The following PHACTR2 variants were observed in gnomAD, a reference collection of about 807,000 sequenced individuals.
PHACTR2 encodes phosphatase and actin regulator 2.
PHACTR2 carries 30 observed loss-of-function variants against 76.0 expected under a neutral mutation model. The observed-to-expected ratio is 0.39, with a 90% CI of 0.30 to 0.54. The LOEUF is 0.54. Ranked by LOEUF, PHACTR2 falls within the 20% of genes least tolerant of loss-of-function variation. The pLI is 0.61. For missense variants in PHACTR2, 696 were observed against 781.1 expected (o/e 0.89, Z 1.30); for synonymous variants, 292 against 292.5 (o/e 1.00, Z 0.02).
At position 143,783,671 on chromosome 6, in the gene PHACTR2, G is replaced by C. The variant is rs1441436367; in HGVS notation, c.1707+391G>C. Among the ~76,000 whole-genome samples the C allele has an allele frequency of 6.6e-6, 1 of 152,156 alleles. No individual in the cohort carries two copies. Among genetic ancestry groups the C allele is most frequent in the Non-Finnish European group, 1.5e-5 (1 of 68,030 alleles). The stretch of plus-strand genomic sequence containing the variant: ...CAAATCAATATAATGCACATGCTAT[G>C]AGTGATGTTTCTGATTGTGTGTTGT... On this transcript the variant is annotated intron_variant, in intron 10 of 12. Coordinates refer to ENST00000440869, the MANE Select transcript of PHACTR2 (RefSeq NM_001100164.2). The surrounding 1 kb of genome is among the most constrained non-coding windows in gnomAD (Gnocchi z 5.2).
chr6:143,765,440 T>G lies in PHACTR2; in HGVS notation c.874T>G (p.Ser292Ala). ...GCAGCCAATAACTTCTCACCTGTCCTCAGACACAACAACTTCTGGCACATC... is the reference window on the plus strand; with the variant it reads ...GCAGCCAATAACTTCTCACCTGTCCGCAGACACAACAACTTCTGGCACATC... ...DKQPITSHLSSDTTTSGTSDL... is the reference protein window; with the variant it reads ...DKQPITSHLSADTTTSGTSDL... Residue 292 changes from serine to alanine, a missense_variant, in exon 6 of 13, where the codon TCA (serine) becomes GCA (alanine). Ser to Ala is a moderately conservative substitution (Grantham distance 99). Coordinates refer to ENST00000440869, the MANE Select transcript of PHACTR2 (RefSeq NM_001100164.2). The surrounding 1 kb of genome is among the most constrained non-coding windows in gnomAD (Gnocchi z 4.1). The G allele has an allele frequency of 6.2e-7, 1 of 1,614,222 alleles. No individual in the cohort carries two copies. The highest frequency in any genetic ancestry group is 8.5e-7 in the Non-Finnish European group (1 of 1,180,044).
rs558207889 is a variant in PHACTR2 at position 143,659,590 on chromosome 6, G to A, written c.13+51268G>A. 2.3e-3 allele frequency among the ~76,000 whole-genome samples: 351 copies of A among 152,304 alleles called. 6 individuals are homozygous for A. The highest frequency in any genetic ancestry group is 2.5e-3 in the Non-Finnish European group (168 of 68,022). ...TTTCCATGTGGCAGCTCACAACATG[G>A]CAGCTTGCTTCTTTAAAGCCAGGTG... On this transcript the variant is annotated intron_variant, in intron 1 of 11. Coordinates refer to the PHACTR2 transcript ENST00000305766. This position sits in a 1 kb window ranked among gnomAD's most constrained non-coding sequence, Gnocchi z 5.0.
chr6:143,642,386 G>A (rs147636275), intron 1 of PHACTR2, among the ~76,000 whole-genome samples: 91 of 152,320 alleles, frequency 6.0e-4, no homozygotes, highest in African/African-American at 1.8e-3. Flanking sequence ...ATATAAGTAA[G>A]CAAAATTCAC....
chr6:143,725,734 G>C (rs1313779125), intron 2 of PHACTR2, among the ~76,000 whole-genome samples: 1 of 151,284 alleles, frequency 6.6e-6, no homozygotes, highest in Non-Finnish European at 1.5e-5. Context: ...GCTGAGGCAG[G>C]ACAATCACTT....
intron 1 of PHACTR2, among the ~76,000 whole-genome samples, chr6:143,614,361 A>C (rs1237398968): frequency 4.6e-5 from 7 of 152,192 alleles, no homozygotes. Flanking sequence ...ACCAAGTTAC[A>C]AGGTAGATAA....
Position 143,824,478 on chromosome 6 carries a change from C to T in PHACTR2, c.*789C>T, listed in dbSNP as rs1348161821. ...AATATCCCTTTCCTAGTGTACCAGC[C>T]TTCACAGGATAAGAGGACTGGGAAT... On this transcript the variant is annotated 3_prime_UTR_variant, in exon 13 of 13. Coordinates refer to ENST00000440869, the MANE Select transcript of PHACTR2 (RefSeq NM_001100164.2). This position sits in a 1 kb window ranked among gnomAD's most constrained non-coding sequence, Gnocchi z 6.3. 2 of 152,634 alleles carry T rather than the reference C, an allele frequency of 1.3e-5. No individual in the cohort carries two copies. Among genetic ancestry groups the T allele is most frequent in the Non-Finnish European group, 2.9e-5 (2 of 68,038 alleles). 9.5% of individuals were successfully genotyped at this position (152,634 alleles called of 1,614,324 possible).
intron 1 of PHACTR2, among the ~76,000 whole-genome samples, chr6:143,628,948 T>TAG (rs1215713122): frequency 0.013 from 653 of 50,628 alleles, 10 homozygotes; most frequent in South Asian, 0.032. Flanking sequence ...TATATATATA[T>TAG]ATATATATAT....
intron 1 of PHACTR2, among the ~76,000 whole-genome samples, chr6:143,574,420 C>T (rs1440170767): frequency 6.6e-6 from 1 of 152,174 alleles, no homozygotes; most frequent in African/African-American, 2.4e-5. Flanking sequence ...GTCCTCCATG[C>T]TACCTTAAAA....
chr6:143,768,036 C>CTATA (rs138546556), intron 6 of PHACTR2, among the ~76,000 whole-genome samples: 4,743 of 152,168 alleles, frequency 0.031, 130 homozygotes, highest in South Asian at 0.12. Flanking sequence ...TGGGGTTTCA[C>CTATA]CATATAGGCC....
intron 1 of PHACTR2, among the ~76,000 whole-genome samples, chr6:143,630,241 GT>G (rs1776340391): frequency 1.7e-5 from 1 of 59,094 alleles, no homozygotes; most frequent in Non-Finnish European, 6.2e-5. Flanking sequence ...ATATTTTCTT[GT>G]TTTGTATGAA....
chr6:143,823,685 C>T lies in PHACTR2; in HGVS notation c.1934C>T (p.Pro645Leu). 1.5e-5 allele frequency: 24 copies of T among 1,611,580 alleles called. No homozygotes were observed. The highest frequency in any genetic ancestry group is 2.0e-5 in the Non-Finnish European group (23 of 1,177,756). ...ATTTCTTACTCCAGGTTTCATCGTC[C>T]ATAACGAAGAGTGAGACTATTTGGA... ...ESRQFTRFHR[P>L] is the part of the protein sequence containing the mutation. Residue 645 changes from proline (P) to leucine (L), a missense_variant, in exon 13 of 13, where the codon CCA becomes CTA. Transcript: ENST00000440869. This position sits in a 1 kb window ranked among gnomAD's most constrained non-coding sequence, Gnocchi z 5.7.
chr6:143,712,037 C>T lies in PHACTR2; in HGVS notation c.68C>T (p.Ser23Phe). 6.3e-7 allele frequency: 1 copy of T among 1,589,736 alleles called. No individual in the cohort carries two copies. Among genetic ancestry groups the T allele is most frequent in the Non-Finnish European group, 8.5e-7 (1 of 1,170,592 alleles). ...PGSVDGLDKA[S>F]IANSDGPTAG... ...ACAGTTGACGGACTGGACAAAGCTT[C>T]TATAGCAAACTCAGATGGCCCCACA... Residue 23 changes from serine to phenylalanine, a missense_variant, in exon 2 of 13, where the codon TCT becomes TTT. Coordinates refer to ENST00000440869, the MANE Select transcript of PHACTR2 (RefSeq NM_001100164.2).
At chr6:143,667,194 G>A (rs1777052583) in intron 1 of PHACTR2, among the ~76,000 whole-genome samples, 2 of 152,114 alleles carry the variant, frequency 1.3e-5, no homozygotes, top group Admixed American at 1.3e-4. Flanking sequence ...TTGTAGATGT[G>A]TGGCATTATT....
chr6:143,645,241 C>T (rs1776639462), intron 1 of PHACTR2, among the ~76,000 whole-genome samples: 1 of 151,812 alleles, frequency 6.6e-6, no homozygotes, highest in African/African-American at 2.4e-5. Flanking sequence ...AATATGGAGC[C>T]AGCCCAAATG....
Position 143,680,408 on chromosome 6 carries a change from G to A in PHACTR2, c.46+2199G>A, listed in dbSNP as rs369567071. On this transcript the variant is annotated intron_variant, in intron 1 of 12. Transcript: ENST00000440869. The surrounding 1 kb of genome is among the most constrained non-coding windows in gnomAD (Gnocchi z 4.5). ...TTCTCATCTTAAATGCTTAGTGGGC[G>A]AAAATCTGTTTAAGTCAAAGGAATC... is the stretch of plus-strand genomic sequence containing the variant. 5.3e-5 allele frequency among the ~76,000 whole-genome samples: 8 copies of A among 152,222 alleles called. No homozygotes were observed. The East Asian group carries it at 5.8e-4, about 11-fold the overall frequency.
intron 2 of PHACTR2, among the ~76,000 whole-genome samples, chr6:143,716,299 G>A (rs1240791091): frequency 2.0e-5 from 3 of 152,088 alleles, no homozygotes; most frequent in African/African-American, 7.2e-5. Context: ...TCTCAGGTAG[G>A]AGTATTTAGG....
In PHACTR2 at chr6:143,798,111, C is replaced by CAT. The variant is rs200206278; in HGVS notation, c.1846-8943_1846-8942dup. ...TGTAGTTCTCCTTGAAGAGGTCCTT[C>CAT]ATATCCCTTGTAAGTTGTGTCCCTA... is the stretch of plus-strand genomic sequence containing the variant. On this transcript the variant is annotated intron_variant, in intron 11 of 12. Transcript: ENST00000440869. Among the ~76,000 whole-genome samples, 1,258 of 152,302 alleles carry CAT rather than the reference C, an allele frequency of 8.3e-3. 37 individuals carry two copies. The highest frequency in any genetic ancestry group is 0.067 in the Admixed American group (1,018 of 15,296).
At chr6:143,612,610 TACAC>T (rs10539480) in intron 1 of PHACTR2, among the ~76,000 whole-genome samples, 5 of 151,618 alleles carry the variant, frequency 3.3e-5, no homozygotes, top group African/African-American at 7.3e-5. Context: ...ATGTTATATA[TACAC>T]ACACACACAC....
In PHACTR2 at chr6:143,610,266, G is replaced by T. The variant is rs1775954877; in HGVS notation, c.13+1944G>T. On this transcript the variant is annotated intron_variant, in intron 1 of 11. Coordinates refer to the PHACTR2 transcript ENST00000305766. The surrounding 1 kb of genome is among the most constrained non-coding windows in gnomAD (Gnocchi z 4.9). The stretch of plus-strand genomic sequence containing the variant: ...TATTGACTGTAAGGGAAGCATTTAA[G>T]ATAAAACTGGTAAGTGGCAAAAAAA... Among the ~76,000 whole-genome samples the T allele has an allele frequency of 6.8e-6, 1 of 146,830 alleles. No homozygotes were observed. Among genetic ancestry groups the T allele is most frequent in the South Asian group, 2.2e-4 (1 of 4,604 alleles).
Sources: gnomAD v4.1 joint callset for allele counts (sites outside exome capture counted in the v4.1 genomes callset) on GRCh38, gnomAD v4.1.1 for gene constraint, Gnocchi (gnomAD v3.1) non-coding constraint, MANE v1.5 for transcripts, NCBI Gene and HGNC (gene_info 2026-07-23, HGNC 2026-07-21) for gene names.